CST8: variants seen among roughly 807,000 people sequenced by gnomAD.
The protein encoded by CST8 is cystatin-8.
Under a neutral mutation model 11.8 loss-of-function variants are expected in CST8, and 20 were observed. The observed-to-expected ratio is 1.70, with a 90% CI of 1.20 to 2.47. The LOEUF is 2.47. Among genes scored for constraint, CST8 ranks in the 30% most tolerant of loss-of-function variants. The pLI, the probability that CST8 is intolerant of heterozygous loss-of-function variation, is 0.00. For synonymous variants in CST8, 77 were observed against 63.1 expected, an observed-to-expected ratio of 1.22 and a Z score of -1.05; for missense variants, 196 against 167.2, an observed-to-expected ratio of 1.17 and a Z score of -0.95.
chr20:23,502,663 C>T, the CST8 span, among the ~76,000 whole-genome samples: 12 of 152,110 alleles, frequency 7.9e-5, no homozygotes, highest in Non-Finnish European at 1.3e-4. Context: ...CTGTAACTTC[C>T]GAGCAAGTGT....
At chr20:23,496,441 A>G (rs1158536890), downstream of CST8, among the ~76,000 whole-genome samples, 1 of 152,146 alleles carries the variant, frequency 6.6e-6, no homozygotes, top group Non-Finnish European at 1.5e-5. Context: ...GAGTGTACAA[A>G]TAGGGTGGGG....
chr20:23,496,353 C>A (rs1988047486), downstream of CST8, among the ~76,000 whole-genome samples: 1 of 152,020 alleles, frequency 6.6e-6, no homozygotes, highest in Non-Finnish European at 1.5e-5. Flanking sequence ...GGGGAGACAT[C>A]ACATGTCGGC....
chr20:23,500,334 G>T (rs964903051), downstream of CST8, among the ~76,000 whole-genome samples: 4 of 152,216 alleles, frequency 2.6e-5, no homozygotes, highest in Non-Finnish European at 4.4e-5. Context: ...CAGCAGCATA[G>T]AGCTCAGAGC....
At chr20:23,496,823 T>C (rs947803416), downstream of CST8, among the ~76,000 whole-genome samples, 3 of 152,254 alleles carry the variant, frequency 2.0e-5, no homozygotes, top group African/African-American at 7.2e-5. Flanking sequence ...AAGAATTCAG[T>C]GATATTTCTC....
chr20:23,492,553 G>A (rs1987920498), intron 2 of CST8, among the ~76,000 whole-genome samples: 2 of 152,230 alleles, frequency 1.3e-5, no homozygotes, highest in Admixed American at 1.3e-4. Context: ...GGCTGAGGGG[G>A]CTGTCCCCTG....
intron 3 of CST8, among the ~76,000 whole-genome samples, chr20:23,494,659 C>T (rs901968065): frequency 6.6e-6 from 1 of 152,184 alleles, no homozygotes; most frequent in African/African-American, 2.4e-5. Context: ...ACCCATCCAT[C>T]CATCCATTCA....
chr20:23,502,079 A>G, the CST8 span, among the ~76,000 whole-genome samples: 1 of 152,178 alleles, frequency 6.6e-6, no homozygotes, highest in Non-Finnish European at 1.5e-5. Flanking sequence ...AAGCAAGGTG[A>G]CAGAACCTCA....
At chr20:23,505,139 C>CT in the CST8 span, among the ~76,000 whole-genome samples, 8,269 of 81,994 alleles carry the variant, frequency 0.1, 1,070 homozygotes, top group African/African-American at 0.31. Context: ...AAGAAGCATT[C>CT]TTTTTTTTTT....
At chr20:23,493,777 C>T (rs2122193691) in intron 3 of CST8, among the ~76,000 whole-genome samples, 1 of 152,350 alleles carries the variant, frequency 6.6e-6, no homozygotes, top group East Asian at 1.9e-4. Flanking sequence ...GTTTGCCCAA[C>T]AGGTGCATCA....
intron 2 of CST8, among the ~76,000 whole-genome samples, chr20:23,492,638 C>G (rs553119548): frequency 4.6e-5 from 7 of 152,312 alleles, no homozygotes; most frequent in African/African-American, 1.4e-4. Context: ...TTTCACCTCT[C>G]AGTCCTCACT....
At chr20:23,495,656 G>A (rs1419924645) in intron 3 of CST8, among the ~76,000 whole-genome samples, 175 bp from the exon 4 acceptor site, 2 of 152,114 alleles carry the variant, frequency 1.3e-5, no homozygotes, top group African/African-American at 4.8e-5. Context: ...ACTGCTGATG[G>A]CTATGAAGTC....
chr20:23,493,100 G>A, intron 3 of CST8, 29 bp downstream of exon 3: 1 of 1,306,498 alleles, frequency 7.7e-7, no homozygotes, highest in Non-Finnish European at 1.1e-6. Context: ...ATCTGTGACG[G>A]CCTAGGCAGC....
chr20:23,495,770 CTTTTCTT>C, intron 3 of CST8, 54 bp from the exon 4 acceptor site: 7 of 1,151,448 alleles, frequency 6.1e-6, no homozygotes, highest in South Asian at 5.5e-5. Flanking sequence ...AATTGTTTTT[CTTTTCTT>C]TTTTTTTTTT....
the CST8 span, among the ~76,000 whole-genome samples, chr20:23,503,145 A>T: frequency 6.6e-6 from 1 of 152,254 alleles, no homozygotes; most frequent in African/African-American, 2.4e-5. Context: ...AAGTGATAGT[A>T]GAATGGAAAC....
chr20:23,491,681 G>A lies in CST8; in HGVS notation c.14G>A (p.Arg5Gln), dbSNP rs372735686. 2.4e-5 allele frequency: 38 copies of A among 1,613,646 alleles called. No individual in the cohort carries two copies. Among genetic ancestry groups the A allele is most frequent in the Middle Eastern group, 1.6e-4 (1 of 6,078 alleles). The change falls in exon 2 of 4, where the codon CGG becomes CAG. Residue 5 changes from arginine to glutamine, a missense_variant. Transcript: ENST00000246012. MPRC[R>Q]WLSLILLTIP... ...GCCCAAGGGACCATGCCCAGGTGCC[G>A]GTGGCTCTCCCTGATCCTCCTCACC...
the CST8 span, among the ~76,000 whole-genome samples, chr20:23,506,166 G>A: frequency 6.6e-6 from 1 of 152,110 alleles, no homozygotes; most frequent in African/African-American, 2.4e-5. Flanking sequence ...CTTACTTGCT[G>A]GAATAATTTA....
rs143579230 is a variant in CST8 at position 23,491,871 on chromosome 20, G to C, written c.204G>C (p.Val68=). ...KESEDKYVFL[V]VKTLQAQLQV... The stretch of plus-strand genomic sequence containing the variant: ...GCGAGGACAAGTATGTCTTCCTGGT[G>C]GTCAAGACACTGCAAGCCCAGCTTC... Residue 68 remains valine, a synonymous_variant, in exon 2 of 4, where the codon GTG becomes GTC. Coordinates refer to ENST00000246012, the MANE Select transcript of CST8 (RefSeq NM_005492.4). 134 of 1,614,090 alleles carry C rather than the reference G, an allele frequency of 8.3e-5. No homozygotes were observed. In the African/African-American group the frequency reaches 1.7e-3, roughly 20 times the overall value.
chr20:23,493,192 C>A (rs1987944442), intron 3 of CST8, 121 bp downstream of exon 3: 1 of 693,464 alleles, frequency 1.4e-6, no homozygotes, highest in Non-Finnish European at 2.6e-6. Flanking sequence ...CCCCAGATAG[C>A]CAACCCTGTG....
rs140211912 is a variant in CST8, at chr20:23,495,977, C to A, written c.*63C>A. 1.9e-5 allele frequency: 24 copies of A among 1,293,250 alleles called. No homozygotes were observed. In the East Asian group the frequency reaches 5.4e-4, roughly 29 times the overall value. The allele number at this position is 1,293,250 out of a possible 1,614,324, so 80.1% of individuals were successfully genotyped here. A position where few individuals can be genotyped will look rare whatever the true frequency, so the allele number is the denominator to read the frequency against. Reference sequence around the variant, plus strand: ...TTTATCCATGAAAATGAAGCAATGGCAGGTGGGAGGCTCTTCCCAATGTGC... The same window carrying A: ...TTTATCCATGAAAATGAAGCAATGGAAGGTGGGAGGCTCTTCCCAATGTGC... On this transcript the variant is annotated 3_prime_UTR_variant, in exon 4 of 4. Coordinates refer to ENST00000246012, the MANE Select transcript of CST8 (RefSeq NM_005492.4).
Sources: gnomAD v4.1 joint callset for allele counts (sites outside exome capture counted in the v4.1 genomes callset) on GRCh38, gnomAD v4.1.1 for gene constraint, MANE v1.5 for transcripts, NCBI Gene and HGNC (gene_info 2026-07-23, HGNC 2026-07-21) for gene names.